Variants in KIF13A observed in about 807,000 individuals in gnomAD.
The protein encoded by KIF13A is kinesin family member 13A.
KIF13A carries 79 observed loss-of-function variants against 212.2 expected under a neutral mutation model. The observed-to-expected ratio is 0.37, with a 90% CI of 0.31 to 0.45. KIF13A has a LOEUF of 0.45. KIF13A is among the 20% of genes least tolerant of loss of function. KIF13A has a pLI of 1.00. For missense variants in KIF13A, 1,901 were observed against 2,209.0 expected (o/e 0.86, Z 2.79); for synonymous variants, 789 against 808.6 (o/e 0.98, Z 0.41).
rs2150659418 is a variant in KIF13A at position 17,987,474 on chromosome 6, C to T, written c.-11G>A. Reference sequence around the variant, plus strand: ...CTTGGTATCCGACATGTTGGCTGCGCTCGCCCGGCCGCTCGCCGCGCCCGC... The same window carrying T: ...CTTGGTATCCGACATGTTGGCTGCGTTCGCCCGGCCGCTCGCCGCGCCCGC... On this transcript the variant is annotated 5_prime_UTR_variant, in exon 1 of 39. Coordinates refer to ENST00000259711, the MANE Select transcript of KIF13A (RefSeq NM_022113.6). This position sits in a 1 kb window ranked among gnomAD's most constrained non-coding sequence, Gnocchi z 7.7. 1.6e-6 allele frequency: 2 copies of T among 1,261,042 alleles called. No homozygotes were observed. The highest frequency in any genetic ancestry group is 2.1e-6 in the Non-Finnish European group (2 of 963,472). 78.1% of individuals were successfully genotyped at this position (1,261,042 alleles called of 1,614,324 possible).
rs986422251 is a variant in KIF13A, at chr6:17,907,179, CTCAT to C, written c.147-9003_147-9000del. ...TTTAATGACCCTATACATAAAAACT[CTCAT>C]TATTATCATTTTTCAAATAAAAAAT... On this transcript the variant is annotated intron_variant, in intron 2 of 38. Transcript: ENST00000259711. Among the ~76,000 whole-genome samples, 6 of 152,180 alleles carry C rather than the reference CTCAT, an allele frequency of 3.9e-5. No individual in the cohort carries two copies. In the South Asian group the frequency reaches 6.2e-4, roughly 16 times the overall value.
At chr6:17,832,300 A>C (rs1765518641) in intron 12 of KIF13A, among the ~76,000 whole-genome samples, 2 of 152,252 alleles carry the variant, frequency 1.3e-5, no homozygotes, top group South Asian at 4.1e-4. Context: ...AAATATAAAC[A>C]TACAGCATTT....
intron 2 of KIF13A, among the ~76,000 whole-genome samples, chr6:17,958,849 C>CT (rs1778565331): frequency 6.7e-6 from 1 of 149,542 alleles, no homozygotes; most frequent in African/African-American, 2.5e-5. Context: ...GTTGACAATG[C>CT]TAACATTTGT....
chr6:17,863,836 T>G (rs371101957), intron 4 of KIF13A, among the ~76,000 whole-genome samples: 1 of 152,198 alleles, frequency 6.6e-6, no homozygotes, highest in South Asian at 2.1e-4. Context: ...CTTCTATTTT[T>G]TAAACACAAC....
rs1413124395 is a variant in KIF13A at position 17,826,672 on chromosome 6, A to G, written c.1533-548T>C. Among the ~76,000 whole-genome samples the G allele has an allele frequency of 6.6e-6, 1 of 152,190 alleles. No homozygotes were observed. Among genetic ancestry groups the G allele is most frequent in the African/African-American group, 2.4e-5 (1 of 41,434 alleles). On this transcript the variant is annotated intron_variant, in intron 14 of 38. Transcript: ENST00000259711. This position sits in a 1 kb window ranked among gnomAD's most constrained non-coding sequence, Gnocchi z 4.7. The stretch of plus-strand genomic sequence containing the variant: ...AGATCTAAGAGGAATACTATAAAAC[A>G]ATGGTAGGATCTTATCTGGATCCTA...
chr6:17,973,502 C>G (rs1268580329), intron 2 of KIF13A, among the ~76,000 whole-genome samples: 1 of 152,192 alleles, frequency 6.6e-6, no homozygotes, highest in Non-Finnish European at 1.5e-5. Context: ...ACCTAACACC[C>G]TGGCCAAGAA....
In KIF13A at chr6:17,783,036, C is replaced by T. The variant is rs1760741160; in HGVS notation, c.3544+610G>A. ...CATTATTTTGGGCTTCCTTCTAGAACAGAGGTTTTCAGGCTGTGTTTTGAG... is the reference window on the plus strand; with the variant it reads ...CATTATTTTGGGCTTCCTTCTAGAATAGAGGTTTTCAGGCTGTGTTTTGAG... On this transcript the variant is annotated intron_variant, in intron 29 of 38. Transcript: ENST00000259711. This position sits in a 1 kb window ranked among gnomAD's most constrained non-coding sequence, Gnocchi z 4.3. Among the ~76,000 whole-genome samples, 2 of 152,212 alleles carry T rather than the reference C, an allele frequency of 1.3e-5. No individual in the cohort carries two copies. The highest frequency in any genetic ancestry group is 4.8e-5 in the African/African-American group (2 of 41,450).
At chr6:17,966,327 A>G (rs1367931404) in intron 2 of KIF13A, among the ~76,000 whole-genome samples, 1 of 152,178 alleles carries the variant, frequency 6.6e-6, no homozygotes, top group Non-Finnish European at 1.5e-5. Context: ...GTGGCCTAAC[A>G]TAGCAACCTT....
chr6:17,852,048 G>T lies in KIF13A; in HGVS notation c.495-6C>A. 1 of 1,446,420 alleles carries T rather than the reference G, an allele frequency of 6.9e-7. No homozygotes were observed. Among genetic ancestry groups the T allele is most frequent in the East Asian group, 2.6e-5 (1 of 38,150 alleles). 89.6% of individuals were successfully genotyped at this position (1,446,420 alleles called of 1,614,324 possible). ...CTTTAAGAGACTGTCTACTCCTGCGGGAGGGAGGAAAAAGGAATAAATGAA... is the reference window on the plus strand; with the variant it reads ...CTTTAAGAGACTGTCTACTCCTGCGTGAGGGAGGAAAAAGGAATAAATGAA... On this transcript the variant is annotated splice_polypyrimidine_tract_variant and splice_region_variant and intron_variant, in intron 6 of 38. Coordinates refer to ENST00000259711, the MANE Select transcript of KIF13A (RefSeq NM_022113.6).
chr6:17,820,365 G>A (rs951485091), intron 16 of KIF13A, among the ~76,000 whole-genome samples: 1 of 152,122 alleles, frequency 6.6e-6, no homozygotes, highest in Non-Finnish European at 1.5e-5. Flanking sequence ...AGGGGCTGGG[G>A]TTTTGTTTCG....
At chr6:17,964,224 C>T (rs1485470679) in intron 2 of KIF13A, among the ~76,000 whole-genome samples, 1 of 152,228 alleles carries the variant, frequency 6.6e-6, no homozygotes, top group Non-Finnish European at 1.5e-5. Context: ...TCCATCAACT[C>T]TCTTCCTTCT....
Position 17,926,538 on chromosome 6 carries a change from A to C in KIF13A, c.147-28358T>G, listed in dbSNP as rs1775516352. Among the ~76,000 whole-genome samples the C allele has an allele frequency of 6.6e-6, 1 of 152,032 alleles. No individual in the cohort carries two copies. The highest frequency in any genetic ancestry group is 2.4e-5 in the African/African-American group (1 of 41,416). Reference sequence around the variant, plus strand: ...TGAGCCACCATGCCTGGCCCCTGGTACGTTTCTTTAAAACACATGTAGGAG... The same window carrying C: ...TGAGCCACCATGCCTGGCCCCTGGTCCGTTTCTTTAAAACACATGTAGGAG... On this transcript the variant is annotated intron_variant, in intron 2 of 38. Transcript: ENST00000259711. This position sits in a 1 kb window ranked among gnomAD's most constrained non-coding sequence, Gnocchi z 4.3.
chr6:17,976,012 T>C (rs535042347), intron 2 of KIF13A, among the ~76,000 whole-genome samples: 3 of 152,334 alleles, frequency 2.0e-5, no homozygotes, highest in East Asian at 1.9e-4. Flanking sequence ...AGGGTGCTGA[T>C]TGGTATGTTT....
At chr6:17,866,808 G>A (rs1769411665) in intron 4 of KIF13A, among the ~76,000 whole-genome samples, 1 of 133,578 alleles carries the variant, frequency 7.5e-6, no homozygotes, top group South Asian at 2.4e-4. Context: ...GTGAGTAAAG[G>A]GGAGAACAAA....
chr6:17,808,737 T>C, intron 18 of KIF13A, 31 bp downstream of exon 18: 1 of 1,597,654 alleles, frequency 6.3e-7, no homozygotes, highest in Admixed American at 1.7e-5. Flanking sequence ...CTATTGTGCA[T>C]CTTGCCCTCT....
rs572143419 is a variant in KIF13A at position 17,962,964 on chromosome 6, C to T, written c.146+24090G>A. On this transcript the variant is annotated intron_variant, in intron 2 of 38. Transcript: ENST00000259711. Reference sequence around the variant, plus strand: ...CTGATTCAGCCCGTTAGACTCAGATCTGTCTGTCCCCTCCCCCACTACACT... The same window carrying T: ...CTGATTCAGCCCGTTAGACTCAGATTTGTCTGTCCCCTCCCCCACTACACT... Among the ~76,000 whole-genome samples, 60 of 152,346 alleles carry T rather than the reference C, an allele frequency of 3.9e-4. No homozygotes were observed. The South Asian group carries it at 0.012, about 31-fold the overall frequency.
intron 4 of KIF13A, among the ~76,000 whole-genome samples, chr6:17,859,384 C>A (rs1439561518): frequency 6.6e-6 from 1 of 151,186 alleles, no homozygotes; most frequent in Non-Finnish European, 1.5e-5. Context: ...GGGAGGGTGG[C>A]TTGAGGAGAG....
In KIF13A at chr6:17,856,473, T is replaced by C. The variant is rs665966; in HGVS notation, c.221-351A>G. Reference sequence around the variant, plus strand: ...ACATGAATTGCCTTATCTCCCCAGCTAGATTCTGAACTGCCACTGAACAAG... The same window carrying C: ...ACATGAATTGCCTTATCTCCCCAGCCAGATTCTGAACTGCCACTGAACAAG... On this transcript the variant is annotated intron_variant, in intron 4 of 38. Coordinates refer to ENST00000259711, the MANE Select transcript of KIF13A (RefSeq NM_022113.6). This position sits in a 1 kb window ranked among gnomAD's most constrained non-coding sequence, Gnocchi z 4.5. Among the ~76,000 whole-genome samples, 60,611 of 152,116 alleles carry C rather than the reference T, an allele frequency of 0.4. 12,715 individuals are homozygous for C. Among genetic ancestry groups the C allele is most frequent in the East Asian group, 0.58 (3,014 of 5,164 alleles).
chr6:17,817,868 C>T (rs551266325), intron 16 of KIF13A, among the ~76,000 whole-genome samples: 1 of 152,190 alleles, frequency 6.6e-6, no homozygotes, highest in Non-Finnish European at 1.5e-5. Context: ...CTCACGTGTA[C>T]AGGCACAGAG....
Sources: gnomAD v4.1 joint callset for allele counts (sites outside exome capture counted in the v4.1 genomes callset) on GRCh38, gnomAD v4.1.1 for gene constraint, Gnocchi (gnomAD v3.1) non-coding constraint, MANE v1.5 for transcripts, NCBI Gene and HGNC (gene_info 2026-07-23, HGNC 2026-07-21) for gene names.